LPCAT2: variants seen among roughly 807,000 people sequenced by gnomAD.
The protein encoded by LPCAT2 is lysophosphatidylcholine acyltransferase 2, also known as 1-AGP acyltransferase 11.
LPCAT2 carries 58 observed loss-of-function variants against 64.7 expected under a neutral mutation model. The observed-to-expected ratio is 0.90, with a 90% CI of 0.73 to 1.12. The LOEUF (loss-of-function observed/expected upper bound fraction) is 1.12, where lower values mean the gene tolerates loss of function less well. Ranked by LOEUF, LPCAT2 falls within the 50% of genes most tolerant of loss-of-function variation. The probability of loss-of-function intolerance (pLI) is 0.00; values close to 1 mark genes in which losing one functional copy is unlikely to be tolerated. For missense variants in LPCAT2, 579 were observed against 669.8 expected, an observed-to-expected ratio of 0.86 and a Z score of 1.50; for synonymous variants, 252 against 245.3, an observed-to-expected ratio of 1.03 and a Z score of -0.26.
intron 11 of LPCAT2, among the ~76,000 whole-genome samples, chr16:55,572,887 T>C (rs760628167): frequency 6.6e-6 from 1 of 152,178 alleles, no homozygotes. Flanking sequence ...AATGGATGCA[T>C]TTGGTTGAAT....
At chr16:55,514,890 TTGTGTGTGTGTGTGTGTG>T (rs35295405) in intron 1 of LPCAT2, among the ~76,000 whole-genome samples, 2 of 141,236 alleles carry the variant, frequency 1.4e-5, no homozygotes, top group African/African-American at 2.6e-5. Context: ...ATGCAATGCA[TTGTGTGTGTGTGTGTGTG>T]TGTGTGTGTG....
At chr16:55,561,457 G>A (rs1277042847) in intron 11 of LPCAT2, among the ~76,000 whole-genome samples, 2 of 149,690 alleles carry the variant, frequency 1.3e-5, no homozygotes, top group African/African-American at 4.9e-5. Context: ...AATAGCCATA[G>A]GGGATTAAAT....
At chr16:55,581,041 T>A (rs1382447723) in intron 13 of LPCAT2, among the ~76,000 whole-genome samples, 2 of 152,196 alleles carry the variant, frequency 1.3e-5, no homozygotes, top group South Asian at 4.1e-4. Context: ...TTACTTTATT[T>A]TCAGTTTTCC....
At position 55,509,254 on chromosome 16, in the gene LPCAT2, C is replaced by T; in HGVS notation, c.73C>T (p.Arg25Trp). 5 of 1,493,194 alleles carry T rather than the reference C, an allele frequency of 3.3e-6. No individual in the cohort carries two copies. Among genetic ancestry groups the T allele is most frequent in the Admixed American group, 2.1e-5 (1 of 47,634 alleles). The allele number at this position is 1,493,194 out of a possible 1,614,324, so 92.5% of individuals were successfully genotyped here. A position where few individuals can be genotyped will look rare whatever the true frequency, so the allele number is the denominator to read the frequency against. The change falls in exon 1 of 14, where the codon CGG (arginine) becomes TGG (tryptophan). Residue 25 changes from arginine to tryptophan, a missense_variant. Coordinates refer to ENST00000262134, the MANE Select transcript of LPCAT2 (RefSeq NM_017839.5). ...TGCCGGCGTCGGGAACGTGGGGCTG[C>T]GGCCGCCCATGGTGCCCCGTCAGGC... is the stretch of plus-strand genomic sequence containing the variant. ...PGAGVGNVGL[R>W]PPMVPRQASF...
In LPCAT2 at chr16:55,586,376, A is replaced by ATT. The variant is rs1963946509; in HGVS notation, c.*3278_*3279insTT. 6.6e-6 allele frequency: 1 copy of ATT among 152,060 alleles called. No individual in the cohort carries two copies. The highest frequency in any genetic ancestry group is 1.5e-5 in the Non-Finnish European group (1 of 68,008). 9.4% of individuals were successfully genotyped at this position (152,060 alleles called of 1,614,324 possible). A position where few individuals can be genotyped will look rare whatever the true frequency, so the allele number is the denominator to read the frequency against. On this transcript the variant is annotated 3_prime_UTR_variant, in exon 14 of 14. Coordinates refer to ENST00000262134, the MANE Select transcript of LPCAT2 (RefSeq NM_017839.5). ...AGGTCCCTATTTTTTATAACGTATT[A>ATT]ACCTTATTATTTTCTTATTATTTTA...
intron 1 of LPCAT2, among the ~76,000 whole-genome samples, chr16:55,522,150 C>T (rs1596850604): frequency 6.6e-6 from 1 of 151,620 alleles, no homozygotes; most frequent in Admixed American, 6.6e-5. Flanking sequence ...TTGGCCAGGT[C>T]ATAGGATAAA....
At chr16:55,519,516 A>AAG (rs1963063970) in intron 1 of LPCAT2, among the ~76,000 whole-genome samples, 1 of 151,606 alleles carries the variant, frequency 6.6e-6, no homozygotes, top group African/African-American at 2.4e-5. Context: ...CACAAAAAAA[A>AAG]AAAGAAAGAA....
chr16:55,583,205 A>G lies in LPCAT2; in HGVS notation c.*107A>G, dbSNP rs567994567. 5 of 878,830 alleles carry G rather than the reference A, an allele frequency of 5.7e-6. No individual in the cohort carries two copies. In the African/African-American group the frequency reaches 8.4e-5, roughly 15 times the overall value. 54.4% of individuals were successfully genotyped at this position (878,830 alleles called of 1,614,324 possible). A position where few individuals can be genotyped will look rare whatever the true frequency, so the allele number is the denominator to read the frequency against. On this transcript the variant is annotated 3_prime_UTR_variant, in exon 14 of 14. Coordinates refer to ENST00000262134, the MANE Select transcript of LPCAT2 (RefSeq NM_017839.5). ...TGGTAATGATGTTTAAAATTGAAAG[A>G]TTTTTAAAACAAAAATGATAGATTT...
chr16:55,541,143 C>T (rs1894882), intron 8 of LPCAT2: 124,681 of 152,062 alleles, frequency 0.82, 53,316 homozygotes, highest in Non-Finnish European at 0.94. Context: ...ACTGAAACCA[C>T]GGAAAGCAAA....
chr16:55,543,937 G>A (rs2142393600), intron 8 of LPCAT2, among the ~76,000 whole-genome samples: 1 of 152,302 alleles, frequency 6.6e-6, no homozygotes, highest in South Asian at 2.1e-4. Context: ...ATATCCTGTA[G>A]CACATTATTC....
chr16:55,542,266 A>T (rs1963407254), intron 8 of LPCAT2, among the ~76,000 whole-genome samples: 1 of 152,158 alleles, frequency 6.6e-6, no homozygotes, highest in African/African-American at 2.4e-5. Context: ...CCTGAGAAAC[A>T]TGTCGCTTAG....
chr16:55,532,658 T>A (rs201152838), intron 5 of LPCAT2, 166 bp from the exon 6 acceptor site: 2 of 331,552 alleles, frequency 6.0e-6, no homozygotes, highest in Admixed American at 4.7e-5. Context: ...AAAAAAAAAA[T>A]CCCTCATTTT....
At chr16:55,514,378 A>AC (rs1962977156) in intron 1 of LPCAT2, among the ~76,000 whole-genome samples, 1 of 152,216 alleles carries the variant, frequency 6.6e-6, no homozygotes, top group Admixed American at 6.5e-5. Context: ...TTTATGATGT[A>AC]CCCCAACATG....
chr16:55,514,352 A>G (rs1268824366), intron 1 of LPCAT2, among the ~76,000 whole-genome samples: 2 of 152,194 alleles, frequency 1.3e-5, no homozygotes, highest in Non-Finnish European at 2.9e-5. Context: ...CAGAGTTGTC[A>G]TCTGTCACCT....
intron 11 of LPCAT2, among the ~76,000 whole-genome samples, chr16:55,569,729 A>G (rs1301263408): frequency 5.3e-5 from 8 of 152,156 alleles, no homozygotes; most frequent in Admixed American, 5.2e-4. Context: ...TCTCTTCTGA[A>G]TTTGTATAAG....
intron 8 of LPCAT2, among the ~76,000 whole-genome samples, chr16:55,544,854 C>T (rs567561931): frequency 6.6e-6 from 1 of 152,148 alleles, no homozygotes; most frequent in East Asian, 1.9e-4. Flanking sequence ...GAATTCTGGC[C>T]ATGTGACTTG....
At chr16:55,560,116 G>A (rs1347159290) in intron 11 of LPCAT2, among the ~76,000 whole-genome samples, 9 of 152,056 alleles carry the variant, frequency 5.9e-5, no homozygotes, top group African/African-American at 1.7e-4. Context: ...AAGAGCACAA[G>A]GAAGTAAAGA....
At chr16:55,509,432 C>G (rs1669627259) in intron 1 of LPCAT2, 80 bp downstream of exon 1, 15 of 1,256,598 alleles carry the variant, frequency 1.2e-5, no homozygotes, top group South Asian at 2.6e-5. Context: ...GGGTGTGGGT[C>G]TGAGAGAGGA....
chr16:55,541,072 T>C (rs1357983676), intron 8 of LPCAT2: 1 of 152,150 alleles, frequency 6.6e-6, no homozygotes, highest in African/African-American at 2.4e-5. Context: ...TTTAAACTTA[T>C]GAATTGTTTA....
Sources: gnomAD v4.1 joint callset for allele counts (sites outside exome capture counted in the v4.1 genomes callset) on GRCh38, gnomAD v4.1.1 for gene constraint, MANE v1.5 for transcripts, NCBI Gene and HGNC (gene_info 2026-07-23, HGNC 2026-07-21) for gene names.